Variants in SF3B3 observed in about 807,000 individuals in gnomAD.
The protein encoded by SF3B3 is SAP 130.
SF3B3 carries 33 observed loss-of-function variants against 139.2 expected under a neutral mutation model. The observed-to-expected ratio is 0.24, with a 90% CI of 0.18 to 0.32. The LOEUF is 0.32. Ranked by LOEUF, SF3B3 falls within the 10% of genes least tolerant of loss-of-function variation. The probability of loss-of-function intolerance (pLI) is 1.00; values close to 1 mark genes in which losing one functional copy is unlikely to be tolerated. For synonymous variants in SF3B3, 596 were observed against 563.6 expected, an observed-to-expected ratio of 1.06 and a Z score of -0.81; for missense variants, 818 against 1,509.4, an observed-to-expected ratio of 0.54 and a Z score of 7.59.
At chr16:70,549,656 T>G (rs1450853899) in intron 11 of SF3B3, among the ~76,000 whole-genome samples, 1 of 152,200 alleles carries the variant, frequency 6.6e-6, no homozygotes, top group African/African-American at 2.4e-5. Context: ...CCAGGTGCGG[T>G]GGCTCATGCC....
At chr16:70,562,661 G>A (rs2050439868) in intron 17 of SF3B3, among the ~76,000 whole-genome samples, 1 of 151,888 alleles carries the variant, frequency 6.6e-6, no homozygotes, top group African/African-American at 2.4e-5. Context: ...CCTCATCTGT[G>A]GCCCCTACCT....
intron 13 of SF3B3, among the ~76,000 whole-genome samples, chr16:70,555,477 CAAAAAAAA>C (rs33955800): frequency 2.7e-5 from 2 of 73,114 alleles, no homozygotes; most frequent in African/African-American, 1.1e-4. Flanking sequence ...GACTCCGTCT[CAAAAAAAA>C]AAAAAAAAAA....
chr16:70,543,132 G>A (rs920858900), intron 9 of SF3B3, among the ~76,000 whole-genome samples: 1 of 152,102 alleles, frequency 6.6e-6, no homozygotes, highest in African/African-American at 2.4e-5. Flanking sequence ...AATTAGCCAG[G>A]CATGGTGGCT....
chr16:70,558,688 C>T (rs2050400592), intron 15 of SF3B3, among the ~76,000 whole-genome samples: 1 of 152,294 alleles, frequency 6.6e-6, no homozygotes. Context: ...CCTCTGCCTC[C>T]TGGGTTCAAG....
chr16:70,565,417 G>C lies in SF3B3; in HGVS notation c.2719G>C (p.Val907Leu). 6.2e-7 allele frequency: 1 copy of C among 1,614,180 alleles called. No individual in the cohort carries two copies. Among genetic ancestry groups the C allele is most frequent in the Non-Finnish European group, 8.5e-7 (1 of 1,180,036 alleles). ...CACTGGTGAAGACTGGTATGTGCTG[G>C]TGGGTGTGGCCAAGGACCTGATACT... The part of the protein sequence containing the change: ...SNTGEDWYVL[V>L]GVAKDLILNP... Residue 907 changes from valine (V) to leucine (L), a missense_variant, in exon 20 of 26, where the codon GTG becomes CTG. Transcript: ENST00000302516.
At chr16:70,558,279 T>C (rs1267643853) in intron 15 of SF3B3, among the ~76,000 whole-genome samples, 2 of 151,810 alleles carry the variant, frequency 1.3e-5, no homozygotes, top group Admixed American at 6.6e-5. Flanking sequence ...AATGTTTTTT[T>C]TTTTTCTTTA....
chr16:70,542,310 T>C (rs113986977), intron 9 of SF3B3, among the ~76,000 whole-genome samples: 14 of 152,372 alleles, frequency 9.2e-5, no homozygotes, highest in African/African-American at 3.4e-4. Flanking sequence ...AGTCTACATA[T>C]AGCTGTATTT....
chr16:70,553,940 C>T (rs1444481118), intron 11 of SF3B3, among the ~76,000 whole-genome samples: 1 of 152,174 alleles, frequency 6.6e-6, no homozygotes, highest in Non-Finnish European at 1.5e-5. Flanking sequence ...GGATTCTCAG[C>T]TTCCAACCCT....
At chr16:70,569,191 T>G (rs1288201385) in intron 23 of SF3B3, 50 bp downstream of exon 23, 1 of 1,324,630 alleles carries the variant, frequency 7.5e-7, no homozygotes, top group Non-Finnish European at 1.1e-6. Flanking sequence ...GCACTTTTCC[T>G]GTTGCCCTCA....
intron 6 of SF3B3, 104 bp from the exon 7 acceptor site, chr16:70,538,219 T>G: frequency 9.8e-7 from 1 of 1,023,622 alleles, no homozygotes; most frequent in Non-Finnish European, 1.5e-6. Context: ...GCTTGTGCCT[T>G]TAGGCCTTTA....
At chr16:70,536,677 G>T (rs1292516673) in intron 6 of SF3B3, among the ~76,000 whole-genome samples, 2 of 151,144 alleles carry the variant, frequency 1.3e-5, no homozygotes, top group African/African-American at 4.9e-5. Flanking sequence ...ATTTTTAATA[G>T]AGACGGGGTT....
chr16:70,557,042 G>A lies in SF3B3; in HGVS notation c.2010+13G>A, dbSNP rs368075399. The stretch of plus-strand genomic sequence containing the variant: ...TATTGGGCTACAGGTAAGAGATCCA[G>A]AGGCCCACATTGTGGACATTAGGCC... On this transcript the variant is annotated intron_variant, in intron 15 of 25. Transcript: ENST00000302516. 8.1e-6 allele frequency: 13 copies of A among 1,598,288 alleles called. No individual in the cohort carries two copies. The African/African-American group carries it at 1.6e-4, about 20-fold the overall frequency.
At chr16:70,532,733 A>C in intron 5 of SF3B3, 113 bp downstream of exon 5, 1 of 960,266 alleles carries the variant, frequency 1.0e-6, no homozygotes, top group Non-Finnish European at 1.5e-6. Flanking sequence ...GTGAACCTGA[A>C]TACCTTATCT....
At chr16:70,534,572 A>G (rs552733060) in intron 5 of SF3B3, among the ~76,000 whole-genome samples, 6 of 152,198 alleles carry the variant, frequency 3.9e-5, no homozygotes, top group Non-Finnish European at 7.3e-5. Context: ...TGTTGATGGT[A>G]GTATTCTCTA....
At chr16:70,539,779 T>A (rs989606105) in intron 8 of SF3B3, among the ~76,000 whole-genome samples, 1 of 48,488 alleles carries the variant, frequency 2.1e-5, no homozygotes, top group African/African-American at 6.6e-5. Context: ...ATCAAATAAA[T>A]TTTTTTTTTT....
rs773679884 is a variant in SF3B3, at chr16:70,568,245, A to G, written c.2953-38A>G. ...CTTTCTTTGGGTTCTGAACCCCAAG[A>G]TTACACCCACCATCACTATTGTCTT... On this transcript the variant is annotated intron_variant, in intron 21 of 25. Coordinates refer to ENST00000302516, the MANE Select transcript of SF3B3 (RefSeq NM_012426.5). 3.3e-6 allele frequency: 5 copies of G among 1,515,248 alleles called. No homozygotes were observed. In the Admixed American group the frequency reaches 8.4e-5, roughly 25 times the overall value. The allele number at this position is 1,515,248 out of a possible 1,614,324, so 93.9% of individuals were successfully genotyped here. A position where few individuals can be genotyped will look rare whatever the true frequency, so the allele number is the denominator to read the frequency against.
chr16:70,529,205 T>G lies in SF3B3; in HGVS notation c.397+6T>G. 1 of 1,608,690 alleles carries G rather than the reference T, an allele frequency of 6.2e-7. No individual in the cohort carries two copies. Among genetic ancestry groups the G allele is most frequent in the African/African-American group, 1.3e-5 (1 of 74,896 alleles). On this transcript the variant is annotated splice_donor_region_variant and intron_variant, in intron 3 of 25. Coordinates refer to ENST00000302516, the MANE Select transcript of SF3B3 (RefSeq NM_012426.5). Reference sequence around the variant, plus strand: ...AGGGCGAGCCGTTATGATTAGTAAGTGATTTACTCTACTTGCTGTATATGC... The same window carrying G: ...AGGGCGAGCCGTTATGATTAGTAAGGGATTTACTCTACTTGCTGTATATGC...
At chr16:70,551,294 G>A (rs1281998904) in intron 11 of SF3B3, among the ~76,000 whole-genome samples, 1 of 152,174 alleles carries the variant, frequency 6.6e-6, no homozygotes, top group African/African-American at 2.4e-5. Context: ...CTTCATTGAG[G>A]TATGAACTAT....
intron 11 of SF3B3, 147 bp from the exon 12 acceptor site, chr16:70,554,297 CTG>C: frequency 1.5e-6 from 1 of 650,052 alleles, no homozygotes; most frequent in East Asian, 2.7e-5. Flanking sequence ...TCATTTTGCT[CTG>C]TGTGCATGTG....
Sources: gnomAD v4.1 joint callset for allele counts (sites outside exome capture counted in the v4.1 genomes callset) on GRCh38, gnomAD v4.1.1 for gene constraint, MANE v1.5 for transcripts, NCBI Gene and HGNC (gene_info 2026-07-23, HGNC 2026-07-21) for gene names.